Variants in DNAAF5 observed in about 807,000 individuals in gnomAD.
The protein encoded by DNAAF5 is dynein axonemal assembly factor 5, also known as HEAT repeat containing 2.
A neutral mutation model predicts 75.8 loss-of-function variants in DNAAF5; 64 were observed. The ratio of observed to expected loss-of-function variants is 0.84; its 90% confidence interval spans 0.69 to 1.04. The LOEUF (loss-of-function observed/expected upper bound fraction) is 1.04, where lower values mean the gene tolerates loss of function less well. DNAAF5 is among the 50% of genes least tolerant of loss of function. The pLI is 0.00. For synonymous variants in DNAAF5, 657 were observed against 557.2 expected (o/e 1.18, Z -2.52); for missense variants, 1,269 against 1,178.5 (o/e 1.08, Z -1.12).
At chr7:779,690 C>T (rs966743162) in intron 11 of DNAAF5, among the ~76,000 whole-genome samples, 59 of 152,310 alleles carry the variant, frequency 3.9e-4, no homozygotes, top group African/African-American at 1.3e-3. Flanking sequence ...TACAGGGAGG[C>T]TCTGCGCCTG....
Position 774,147 on chromosome 7 carries a change from C to T in DNAAF5, c.2031C>T (p.Ala677=), listed in dbSNP as rs371581269. ...GRTAAAIRTA[A]VSCLWALTSS... ...CAGCCGCGGCCATCCGCACGGCTGC[C>T]GTGTCCTGCCTCTGGGCGCTCACCA... Residue 677 remains alanine, a synonymous_variant, in exon 10 of 13, where the codon GCC becomes GCT. Coordinates refer to ENST00000297440, the MANE Select transcript of DNAAF5 (RefSeq NM_017802.4). 9 of 1,612,584 alleles carry T rather than the reference C, an allele frequency of 5.6e-6. No individual in the cohort carries two copies. Among genetic ancestry groups the T allele is most frequent in the East Asian group, 4.5e-5 (2 of 44,866 alleles).
At chr7:761,453 C>T (rs985488521) in intron 6 of DNAAF5, among the ~76,000 whole-genome samples, 1 of 152,266 alleles carries the variant, frequency 6.6e-6, no homozygotes, top group African/African-American at 2.4e-5. Context: ...CTCAAAGTTC[C>T]ACATGGCTGT....
chr7:739,232 G>A (rs910218253), intron 2 of DNAAF5, among the ~76,000 whole-genome samples: 3 of 151,874 alleles, frequency 2.0e-5, no homozygotes, highest in Non-Finnish European at 2.9e-5. Flanking sequence ...TCTCAGCCAC[G>A]CCCTCTGCCT....
At chr7:757,885 G>A (rs1325538890) in intron 6 of DNAAF5, among the ~76,000 whole-genome samples, 1 of 152,228 alleles carries the variant, frequency 6.6e-6, no homozygotes, top group Admixed American at 6.5e-5. Flanking sequence ...GCTGGCCTGG[G>A]GCACGGGGAC....
intron 6 of DNAAF5, among the ~76,000 whole-genome samples, chr7:757,272 C>T (rs964637494): frequency 1.3e-5 from 2 of 151,842 alleles, no homozygotes; most frequent in African/African-American, 2.4e-5. Flanking sequence ...TGCAGGCGGC[C>T]GCTCACGTTT....
intron 4 of DNAAF5, among the ~76,000 whole-genome samples, chr7:747,431 C>T (rs1782153130): frequency 6.6e-6 from 1 of 152,052 alleles, no homozygotes; most frequent in South Asian, 2.1e-4. Flanking sequence ...GTGGGGTTTG[C>T]TATTTTCAGC....
At chr7:779,901 A>T in intron 11 of DNAAF5, 52 bp from the exon 12 acceptor site, 1 of 1,510,974 alleles carries the variant, frequency 6.6e-7, no homozygotes, top group Non-Finnish European at 9.1e-7. Flanking sequence ...GGACGTTTAG[A>T]CGTGAAATGT....
chr7:741,311 G>T (rs374682631), intron 3 of DNAAF5, 36 bp from the exon 4 acceptor site: 367 of 1,516,452 alleles, frequency 2.4e-4, no homozygotes, highest in Admixed American at 2.4e-4. Flanking sequence ...TGCGTGCCCT[G>T]CCCTGAGCCA....
intron 4 of DNAAF5, among the ~76,000 whole-genome samples, chr7:753,883 T>G (rs184124388): frequency 7.9e-5 from 10 of 126,822 alleles, no homozygotes; most frequent in Non-Finnish European, 1.1e-4. Flanking sequence ...TTCGCAGGCG[T>G]CTCTCTCTCA....
chr7:785,984 G>A lies in DNAAF5; in HGVS notation c.*331G>A, dbSNP rs750677393. ...TGCGCAGCTGGTTCATGAACTATTG[G>A]CTGCATCCTGCTTAGGTGCCCACCA... On this transcript the variant is annotated 3_prime_UTR_variant, in exon 13 of 13. Transcript: ENST00000297440. 1.0e-4 allele frequency: 24 copies of A among 239,666 alleles called. No individual in the cohort carries two copies. The highest frequency in any genetic ancestry group is 1.7e-4 in the Non-Finnish European group (21 of 124,952). The allele number at this position is 239,666 out of a possible 1,614,324, so 14.8% of individuals were successfully genotyped here. A position where few individuals can be genotyped will look rare whatever the true frequency, so the allele number is the denominator to read the frequency against.
At chr7:773,151 T>C (rs968238165) in intron 9 of DNAAF5, among the ~76,000 whole-genome samples, 1 of 151,974 alleles carries the variant, frequency 6.6e-6, no homozygotes, top group Non-Finnish European at 1.5e-5. Context: ...GTGCCGAAAA[T>C]GGCAGCTCTG....
At position 761,822 on chromosome 7, in the gene DNAAF5, G is replaced by A. The variant is rs761575484; in HGVS notation, c.1540G>A (p.Val514Met). The A allele has an allele frequency of 1.2e-5, 20 of 1,607,076 alleles. No individual in the cohort carries two copies. The highest frequency in any genetic ancestry group is 2.2e-5 in the East Asian group (1 of 44,482). ...GTCTGTGTGTCATGAGGACTGTGGC[G>A]TGGCCAGCCTGCAGCTCTTGGACGT... ...LVSVCHEDCG[V>M]ASLQLLDVLL... Residue 514 changes from valine to methionine, a missense_variant, in exon 7 of 13, where the codon GTG becomes ATG. Physicochemically the swap from Val to Met is conservative, Grantham distance 21. Transcript: ENST00000297440.
intron 8 of DNAAF5, among the ~76,000 whole-genome samples, chr7:765,326 C>T (rs1782786785): frequency 6.6e-6 from 1 of 152,344 alleles, no homozygotes; most frequent in South Asian, 2.1e-4. Flanking sequence ...CAGAGCCTCC[C>T]TCAGCCCCTC....
intron 9 of DNAAF5, chr7:772,936 G>T (rs1583515926): frequency 1.3e-5 from 2 of 150,804 alleles, no homozygotes; most frequent in Admixed American, 1.3e-4. Flanking sequence ...TCAGACACAG[G>T]CTGAGTATCC....
chr7:785,694 G>T lies in DNAAF5; in HGVS notation c.*41G>T. 6.2e-7 allele frequency: 1 copy of T among 1,600,670 alleles called. No homozygotes were observed. Among genetic ancestry groups the T allele is most frequent in the South Asian group, 1.1e-5 (1 of 90,398 alleles). ...CCACGGCACACCCTTGTCCCCACCT[G>T]AGCCAGAGTTTGTGGCCTTTAAATC... On this transcript the variant is annotated 3_prime_UTR_variant, in exon 13 of 13. Transcript: ENST00000297440.
intron 5 of DNAAF5, among the ~76,000 whole-genome samples, chr7:755,035 T>G (rs538057246): frequency 1.6e-4 from 24 of 152,312 alleles, no homozygotes; most frequent in African/African-American, 4.6e-4. Flanking sequence ...CCCTTCATGC[T>G]CATTTTCAAG....
intron 11 of DNAAF5, among the ~76,000 whole-genome samples, chr7:775,404 G>A (rs1351434692): frequency 6.6e-6 from 1 of 152,190 alleles, no homozygotes; most frequent in Non-Finnish European, 1.5e-5. Flanking sequence ...AAATTAGCCA[G>A]GGCTGGTGGC....
At chr7:764,507 G>T (rs1782760658) in intron 8 of DNAAF5, among the ~76,000 whole-genome samples, 1 of 152,186 alleles carries the variant, frequency 6.6e-6, no homozygotes, top group Non-Finnish European at 1.5e-5. Context: ...GGGACACACG[G>T]CCCGCGCTGC....
At chr7:745,513 A>C (rs1182179655) in intron 4 of DNAAF5, among the ~76,000 whole-genome samples, 2 of 152,148 alleles carry the variant, frequency 1.3e-5, no homozygotes, top group Non-Finnish European at 2.9e-5. Flanking sequence ...ACACGTGCAC[A>C]TATGCACACG....
Sources: allele counts gnomAD v4.1 joint callset (sites outside exome capture counted in the v4.1 genomes callset), GRCh38; gene constraint gnomAD v4.1.1; transcripts MANE v1.5; gene names NCBI Gene and HGNC (gene_info 2026-07-23, HGNC 2026-07-21).